Variants in TMC1 observed in about 807,000 individuals in gnomAD.
TMC1 encodes transmembrane channel-like protein 1.
In TMC1, 84 loss-of-function variants were observed where a neutral mutation model predicts 105.8. The ratio of observed to expected loss-of-function variants is 0.79; its 90% CI spans 0.67 to 0.95. The LOEUF is 0.95. TMC1 is among the 40% of genes least tolerant of loss of function. The pLI, the probability that TMC1 is intolerant of heterozygous loss-of-function variation, is 0.00. For missense variants in TMC1, 817 were observed against 914.1 expected (o/e 0.89, Z 1.37); for synonymous variants, 315 against 311.5 (o/e 1.01, Z -0.12).
At chr9:72,671,253 T>G (rs977918218) in intron 5 of TMC1, among the ~76,000 whole-genome samples, 4 of 152,232 alleles carry the variant, frequency 2.6e-5, no homozygotes, top group African/African-American at 9.6e-5. Flanking sequence ...ATTTTTCTCC[T>G]TGACCTTTTG....
At chr9:72,663,744 A>G (rs1826000320) in intron 5 of TMC1, among the ~76,000 whole-genome samples, 1 of 152,184 alleles carries the variant, frequency 6.6e-6, no homozygotes, top group Admixed American at 6.5e-5. Context: ...ACCTTAGCTT[A>G]CTATAAGTTT....
intron 5 of TMC1, among the ~76,000 whole-genome samples, chr9:72,656,709 A>G (rs1173676589): frequency 6.6e-6 from 1 of 152,176 alleles, no homozygotes; most frequent in African/African-American, 2.4e-5. Context: ...TTCATTTACA[A>G]TTGGATATAA....
intron 1 of TMC1, among the ~76,000 whole-genome samples, chr9:72,555,376 A>T (rs1587954101): frequency 6.6e-6 from 1 of 151,066 alleles, no homozygotes; most frequent in Admixed American, 6.6e-5. Flanking sequence ...TTTAGTAGAG[A>T]TGGGATTTCA....
At chr9:72,737,497 G>A (rs1462897580) in intron 8 of TMC1, among the ~76,000 whole-genome samples, 1 of 152,154 alleles carries the variant, frequency 6.6e-6, no homozygotes, top group Non-Finnish European at 1.5e-5. Context: ...GTCAGACCTT[G>A]CCTAGGTCTG....
intron 5 of TMC1, among the ~76,000 whole-genome samples, chr9:72,686,198 C>G (rs1488617453): frequency 6.6e-6 from 1 of 152,172 alleles, no homozygotes; most frequent in Non-Finnish European, 1.5e-5. Flanking sequence ...CCCTCCTCTT[C>G]CTTCACTATC....
intron 23 of TMC1, among the ~76,000 whole-genome samples, chr9:72,834,403 TG>T (rs1829088125): frequency 6.6e-6 from 1 of 152,084 alleles, no homozygotes. Context: ...GATGCAAAGG[TG>T]GGTTTCGAAG....
At chr9:72,627,891 G>A (rs7047173) in intron 3 of TMC1, 30 bp from the exon 4 acceptor site, 30,144 of 378,224 alleles carry the variant, frequency 0.08, 1,591 homozygotes, top group African/African-American at 0.17. Context: ...TTAAAAATCT[G>A]TATTGGATTT....
chr9:72,558,532 C>G (rs1031764171), intron 1 of TMC1, among the ~76,000 whole-genome samples: 2 of 152,140 alleles, frequency 1.3e-5, no homozygotes, highest in Non-Finnish European at 2.9e-5. Context: ...AGGGGTAGAT[C>G]TGGACTTCAG....
intron 1 of TMC1, among the ~76,000 whole-genome samples, chr9:72,557,959 A>T (rs1378502742): frequency 6.6e-6 from 1 of 152,198 alleles, no homozygotes; most frequent in Admixed American, 6.5e-5. Flanking sequence ...AGACCATGAG[A>T]AATTGTTCCT....
intron 7 of TMC1, among the ~76,000 whole-genome samples, chr9:72,697,650 A>G (rs1284623379): frequency 6.6e-6 from 1 of 152,124 alleles, no homozygotes; most frequent in Non-Finnish European, 1.5e-5. Context: ...CACACATCAA[A>G]TAGATAATTC....
chr9:72,704,144 T>C (rs1286726995), intron 8 of TMC1, among the ~76,000 whole-genome samples: 1 of 152,114 alleles, frequency 6.6e-6, no homozygotes, highest in Non-Finnish European at 1.5e-5. Flanking sequence ...ACATCTAACT[T>C]TGAGAGCGTG....
chr9:72,766,533 CAGAA>C (rs1446346708), intron 12 of TMC1, among the ~76,000 whole-genome samples: 14 of 151,774 alleles, frequency 9.2e-5, no homozygotes, highest in African/African-American at 3.4e-4. Flanking sequence ...GACAAGGAAA[CAGAA>C]GGAAGGAACT....
At chr9:72,624,173 T>C (rs1825304389) in intron 3 of TMC1, among the ~76,000 whole-genome samples, 1 of 152,134 alleles carries the variant, frequency 6.6e-6, no homozygotes. Flanking sequence ...AATTATCTTT[T>C]GTAAGTGGGA....
At chr9:72,625,515 C>T (rs1032826892) in intron 3 of TMC1, among the ~76,000 whole-genome samples, 8 of 151,748 alleles carry the variant, frequency 5.3e-5, no homozygotes, top group Non-Finnish European at 8.8e-5. Flanking sequence ...GGTGAAACCC[C>T]GTCTCTACTA....
chr9:72,555,431 C>T (rs999851906), intron 1 of TMC1, among the ~76,000 whole-genome samples: 15 of 152,052 alleles, frequency 9.9e-5, no homozygotes, highest in African/African-American at 3.6e-4. Flanking sequence ...TCGTGACCCT[C>T]CCTCCTTGGC....
At chr9:72,687,248 C>T (rs570966426) in intron 5 of TMC1, among the ~76,000 whole-genome samples, 1 of 152,126 alleles carries the variant, frequency 6.6e-6, no homozygotes, top group Non-Finnish European at 1.5e-5. Context: ...TCAGCATTTG[C>T]TATTTGTCCT....
chr9:72,576,282 C>G (rs779650782), intron 1 of TMC1, among the ~76,000 whole-genome samples: 3 of 152,174 alleles, frequency 2.0e-5, no homozygotes, highest in Non-Finnish European at 4.4e-5. Flanking sequence ...TCTTAGAGCA[C>G]CATAAATACT....
chr9:72,650,672 A>G (rs773370287), intron 5 of TMC1, among the ~76,000 whole-genome samples: 1 of 151,122 alleles, frequency 6.6e-6, no homozygotes, highest in African/African-American at 2.4e-5. Context: ...CCCCCCTCAC[A>G]TAGACCCCAG....
At chr9:72,805,292 A>T (rs1311306940) in intron 17 of TMC1, 90 bp from the exon 18 acceptor site, 15 of 1,454,116 alleles carry the variant, frequency 1.0e-5, no homozygotes, top group Non-Finnish European at 1.2e-5. Context: ...TCAAGCCAAT[A>T]CTTCTTTAGA....
Sources: allele counts gnomAD v4.1 joint callset (sites outside exome capture counted in the v4.1 genomes callset), GRCh38; gene constraint gnomAD v4.1.1; transcripts MANE v1.5; gene names NCBI Gene and HGNC (gene_info 2026-07-23, HGNC 2026-07-21).